The following MTHFD1 variants were observed in gnomAD, a reference collection of about 807,000 sequenced individuals.
The protein encoded by MTHFD1 is methylenetetrahydrofolate dehydrogenase, cyclohydrolase and formyltetrahydrofolate synthetase 1.
MTHFD1 carries 44 observed loss-of-function variants against 110.3 expected under a neutral mutation model. That is an observed-to-expected ratio of 0.40 (90% confidence interval 0.31 to 0.51). The LOEUF is 0.51. MTHFD1 is among the 20% of genes least tolerant of loss of function. The pLI is 0.60. For synonymous variants in MTHFD1, 402 were observed against 428.8 expected (o/e 0.94, Z 0.77); for missense variants, 909 against 1,173.1 (o/e 0.77, Z 3.29).
At chr14:64,412,668 G>C (rs1229654374) in intron 4 of MTHFD1, 143 bp downstream of exon 4, 4 of 589,522 alleles carry the variant, frequency 6.8e-6, no homozygotes, top group Non-Finnish European at 8.7e-6. Context: ...ACACAGTTTT[G>C]CTCATGTCAC....
chr14:64,396,021 C>CTTTACA (rs1244769494), intron 1 of MTHFD1, among the ~76,000 whole-genome samples: 3 of 152,134 alleles, frequency 2.0e-5, no homozygotes, highest in African/African-American at 7.2e-5. Context: ...GATGGAAGAA[C>CTTTACA]TTTACATTAT....
intron 19 of MTHFD1, chr14:64,441,738 G>A: frequency 1.8e-6 from 1 of 547,798 alleles, no homozygotes; most frequent in East Asian, 3.3e-5. Flanking sequence ...GGGAGGCAGA[G>A]CTTGCAGTGA....
chr14:64,441,297 T>C, intron 18 of MTHFD1, 88 bp from the exon 19 acceptor site: 3 of 1,237,530 alleles, frequency 2.4e-6, no homozygotes, highest in Non-Finnish European at 3.6e-6. Flanking sequence ...ATGGCTAACA[T>C]GGGTAAGCCT....
chr14:64,393,392 A>G (rs1239720788), intron 1 of MTHFD1, among the ~76,000 whole-genome samples: 2 of 151,950 alleles, frequency 1.3e-5, no homozygotes, highest in African/African-American at 4.8e-5. Context: ...GGGCAACAAG[A>G]GCAAAACTTC....
Position 64,431,653 on chromosome 14 carries a change from GC to G in MTHFD1, c.1419+18del. ...CAGACAGACAAGGTAGGATGCCAAAGCCCCATGAACCCCATTGAACAGTTTT... is the reference window on the plus strand; with the variant it reads ...CAGACAGACAAGGTAGGATGCCAAAGCCCATGAACCCCATTGAACAGTTTT... On this transcript the variant is annotated intron_variant, in intron 14 of 27. Coordinates refer to ENST00000652337, the MANE Select transcript of MTHFD1 (RefSeq NM_005956.4). 6.2e-7 allele frequency: 1 copy of G among 1,612,040 alleles called. No individual in the cohort carries two copies. Among genetic ancestry groups the G allele is most frequent in the Admixed American group, 1.7e-5 (1 of 60,010 alleles).
chr14:64,438,996 A>C, intron 16 of MTHFD1, 100 bp from the exon 17 acceptor site: 1 of 836,670 alleles, frequency 1.2e-6, no homozygotes, highest in Non-Finnish European at 2.1e-6. Flanking sequence ...ATTGATAGAC[A>C]ATCATGAAAT....
At chr14:64,454,132 A>G (rs1016620330) in intron 25 of MTHFD1, among the ~76,000 whole-genome samples, 16 of 152,170 alleles carry the variant, frequency 1.1e-4, no homozygotes, top group African/African-American at 3.6e-4. Flanking sequence ...TGTTATTTTG[A>G]GATAGGGTCT....
chr14:64,415,273 C>G, intron 4 of MTHFD1, 85 bp from the exon 5 acceptor site: 4 of 1,187,596 alleles, frequency 3.4e-6, no homozygotes, highest in Non-Finnish European at 5.0e-6. Context: ...GGAAATAGGG[C>G]AACCTAATTT....
At chr14:64,449,772 G>A in intron 24 of MTHFD1, 150 bp downstream of exon 24, 1 of 884,778 alleles carries the variant, frequency 1.1e-6, no homozygotes, top group East Asian at 2.6e-5. Context: ...CCACAGCCTG[G>A]ACTCCCAGCT....
rs2077979778 is a variant in MTHFD1 at position 64,411,086 on chromosome 14, C to T, written c.127-4C>T. The T allele has an allele frequency of 6.2e-7, 1 of 1,603,920 alleles. No homozygotes were observed. The highest frequency in any genetic ancestry group is 1.3e-5 in the African/African-American group (1 of 74,714). On this transcript the variant is annotated splice_region_variant and splice_polypyrimidine_tract_variant and intron_variant, in intron 2 of 27. Coordinates refer to ENST00000652337, the MANE Select transcript of MTHFD1 (RefSeq NM_005956.4). ...ATCTGATTTGCATGCATTTATTATT[C>T]TAGGTTGGCAACAGAGATGATTCCA...
At position 64,447,496 on chromosome 14, in the gene MTHFD1, A is replaced by G. The variant is rs1349183196; in HGVS notation, c.2179-721A>G. ...TTTAATTAACTTCTCAGTTGTAGAG[A>G]TGGGGTCTTGTTATGTTTCCTAGGC... On this transcript the variant is annotated intron_variant, in intron 22 of 27. Coordinates refer to ENST00000652337, the MANE Select transcript of MTHFD1 (RefSeq NM_005956.4). 3.2e-5 allele frequency among the ~76,000 whole-genome samples: 4 copies of G among 124,904 alleles called. No homozygotes were observed. In the East Asian group the frequency reaches 9.7e-4, roughly 30 times the overall value. The allele number at this position is 124,904 out of a possible 152,430, so 81.9% of individuals were successfully genotyped here. A position where few individuals can be genotyped will look rare whatever the true frequency, so the allele number is the denominator to read the frequency against.
At chr14:64,419,312 G>A (rs993341140) in intron 7 of MTHFD1, 8 of 221,900 alleles carry the variant, frequency 3.6e-5, no homozygotes, top group Admixed American at 1.6e-4. Flanking sequence ...GCAGTAGTCT[G>A]CTAATAGCTA....
At chr14:64,459,435 T>C (rs558052839) in intron 27 of MTHFD1, among the ~76,000 whole-genome samples, 1 of 152,278 alleles carries the variant, frequency 6.6e-6, no homozygotes, top group South Asian at 2.1e-4. Flanking sequence ...CTTGCATTAT[T>C]TGAGAAAGTT....
intron 1 of MTHFD1, among the ~76,000 whole-genome samples, chr14:64,394,169 T>C (rs2077828779): frequency 6.6e-6 from 1 of 152,122 alleles, no homozygotes; most frequent in South Asian, 2.1e-4. Context: ...TGGCTAAAGG[T>C]GCCACAGTCA....
In MTHFD1 at chr14:64,439,188, T is replaced by C. The variant is rs761234778; in HGVS notation, c.1674+16T>C. The C allele has an allele frequency of 7.5e-6, 12 of 1,605,952 alleles. No homozygotes were observed. The Admixed American group carries it at 1.5e-4, about 20-fold the overall frequency. On this transcript the variant is annotated intron_variant, in intron 17 of 27. Transcript: ENST00000652337. ...CACACGGACGGTAACAATTTGTCCC[T>C]TTCCAAGGAAATTAGTTCAGAGGCA...
intron 2 of MTHFD1, among the ~76,000 whole-genome samples, chr14:64,410,518 AC>A (rs774226290): frequency 2.6e-5 from 4 of 152,002 alleles, no homozygotes; most frequent in Non-Finnish European, 5.9e-5. Context: ...GAGTTGCTGC[AC>A]CCGGCCTCCT....
intron 3 of MTHFD1, 132 bp downstream of exon 3, chr14:64,411,281 T>C: frequency 1.4e-6 from 1 of 729,272 alleles, no homozygotes; most frequent in Non-Finnish European, 2.5e-6. Flanking sequence ...ATCTATTTTG[T>C]AAGTCAGAAA....
At chr14:64,449,224 C>T (rs748311213) in intron 23 of MTHFD1, 20 of 607,308 alleles carry the variant, frequency 3.3e-5, no homozygotes, top group Admixed American at 5.0e-5. Context: ...TGTGATTATT[C>T]GCGTATTACC....
intron 7 of MTHFD1, among the ~76,000 whole-genome samples, chr14:64,418,898 A>G (rs189829066): frequency 8.0e-4 from 122 of 151,772 alleles, no homozygotes; most frequent in Non-Finnish European, 7.8e-4. Context: ...TCTGTTATTT[A>G]GGCTAGAGTG....
Sources: gnomAD v4.1 joint callset for allele counts (sites outside exome capture counted in the v4.1 genomes callset) on GRCh38, gnomAD v4.1.1 for gene constraint, MANE v1.5 for transcripts, NCBI Gene and HGNC (gene_info 2026-07-23, HGNC 2026-07-21) for gene names.